The following PCDHGB5 variants were observed in gnomAD, a reference collection of about 807,000 sequenced individuals.
PCDHGB5 encodes the protein protocadherin gamma-B5.
In PCDHGB5, 48 loss-of-function variants were observed where a neutral mutation model predicts 62.9. The observed-to-expected ratio is 0.76, with a 90% confidence interval of 0.61 to 0.97. The LOEUF (loss-of-function observed/expected upper bound fraction) is 0.97, where lower values mean the gene tolerates loss of function less well. PCDHGB5 is among the 50% of genes least tolerant of loss of function. The pLI, the probability that PCDHGB5 is intolerant of heterozygous loss-of-function variation, is 0.00. For synonymous variants in PCDHGB5, 474 were observed against 511.2 expected (o/e 0.93, Z 0.98); for missense variants, 1,118 against 1,198.6 (o/e 0.93, Z 0.99).
At chr5:141,498,551 C>T (rs749191535) in intron 2 of PCDHGB5, among the ~76,000 whole-genome samples, 2 of 151,950 alleles carry the variant, frequency 1.3e-5, no homozygotes, top group Non-Finnish European at 2.9e-5. Context: ...GTCAGACACA[C>T]CAGCTTCAAA....
intron 1 of PCDHGB5, among the ~76,000 whole-genome samples, chr5:141,458,247 C>T (rs758242859): frequency 4.6e-5 from 7 of 152,100 alleles, no homozygotes; most frequent in South Asian, 2.1e-4. Flanking sequence ...CAAAATGATA[C>T]GGCTCTGATG....
At position 141,421,262 on chromosome 5, in the gene PCDHGB5, G is replaced by GGCT. The variant is rs748368476; in HGVS notation, c.2397+20752_2397+20754dup. 2.6e-5 allele frequency: 42 copies of GGCT among 1,609,594 alleles called. No homozygotes were observed. The Admixed American group carries it at 3.2e-4, about 12-fold the overall frequency. On this transcript the variant is annotated intron_variant, in intron 1 of 3. Coordinates refer to ENST00000617380, the MANE Select transcript of PCDHGB5 (RefSeq NM_018925.3). ...CGGCTACAGCGCGGGGACCGCAGTC[G>GGCT]GCTGCTGCTGCTGCTGTGCATTTTC...
In PCDHGB5 at chr5:141,398,957, T is replaced by G. The variant is rs1307112913; in HGVS notation, c.830T>G (p.Ile277Ser). Residue 277 changes from isoleucine to serine, a missense_variant, in exon 1 of 4, where the codon ATT becomes AGT. This residue lies in a region of PCDHGB5 where 1,034 missense variants were observed against 1,029.1 expected (regional missense o/e 1.00). Transcript: ENST00000617380. ...CAAGACGAGGGCATCAACTCAGAAA[T>G]TACTTATTCCTTCTACAGAACCGGG... Reference protein sequence around the residue: ...TDQDEGINSEITYSFYRTGQI... With the variant: ...TDQDEGINSESTYSFYRTGQI... 6.2e-7 allele frequency: 1 copy of G among 1,613,868 alleles called. No individual in the cohort carries two copies. The highest frequency in any genetic ancestry group is 1.1e-5 in the South Asian group (1 of 91,070).
At chr5:141,482,513 A>C (rs552094845) in intron 1 of PCDHGB5, among the ~76,000 whole-genome samples, 1 of 143,798 alleles carries the variant, frequency 7.0e-6, no homozygotes, top group East Asian at 2.1e-4. Flanking sequence ...CCCAGAGTAC[A>C]GTATGAGACA....
chr5:141,400,923 T>C (rs1453975530), intron 1 of PCDHGB5, among the ~76,000 whole-genome samples: 1 of 152,260 alleles, frequency 6.6e-6, no homozygotes, highest in Admixed American at 6.5e-5. Flanking sequence ...AAGAAACTGC[T>C]AGTAGATGTC....
Position 141,491,166 on chromosome 5 carries a change from G to A in PCDHGB5, c.2398-3641G>A. 1 of 1,614,150 alleles carries A rather than the reference G, an allele frequency of 6.2e-7. No individual in the cohort carries two copies. The highest frequency in any genetic ancestry group is 8.5e-7 in the Non-Finnish European group (1 of 1,179,964). ...TACTGGAGGATGACTCTGACACCCA[G>A]CAGGTGGTGGTCCTGGTGAGGGACA... On this transcript the variant is annotated intron_variant, in intron 1 of 3. Transcript: ENST00000617380. The surrounding 1 kb of genome is among the most constrained non-coding windows in gnomAD (Gnocchi z 6.9).
intron 2 of PCDHGB5, among the ~76,000 whole-genome samples, chr5:141,500,431 G>A (rs1340129330): frequency 6.6e-6 from 1 of 151,476 alleles, no homozygotes; most frequent in Non-Finnish European, 1.5e-5. Flanking sequence ...GGATGGTCTC[G>A]ATCTCCTGAC....
At chr5:141,427,863 G>A (rs769808388) in intron 1 of PCDHGB5, 1 of 1,557,316 alleles carries the variant, frequency 6.4e-7, no homozygotes, top group Non-Finnish European at 8.8e-7. Context: ...GTGCGCCTTC[G>A]AGCTCACGAT....
intron 1 of PCDHGB5, chr5:141,403,102 G>A (rs765706858): frequency 9.3e-6 from 15 of 1,613,928 alleles, no homozygotes; most frequent in Non-Finnish European, 1.3e-5. Flanking sequence ...ACATCTCCAA[G>A]GACCTGGCTC....
intron 1 of PCDHGB5, chr5:141,408,105 G>T (rs566753835): frequency 2.6e-5 from 37 of 1,439,788 alleles, no homozygotes; most frequent in Non-Finnish European, 3.2e-5. Flanking sequence ...TCCGAGACCC[G>T]GGACTCCTCC....
intron 1 of PCDHGB5, chr5:141,410,052 T>C: frequency 6.2e-7 from 1 of 1,613,122 alleles, no homozygotes; most frequent in Non-Finnish European, 8.5e-7. Context: ...CCCGGACTCT[T>C]CAGCCTGGGG....
rs1424221139 is a variant in PCDHGB5, at chr5:141,491,867, T to G, written c.2398-2940T>G. On this transcript the variant is annotated intron_variant, in intron 1 of 3. Coordinates refer to ENST00000617380, the MANE Select transcript of PCDHGB5 (RefSeq NM_018925.3). The surrounding 1 kb of genome is among the most constrained non-coding windows in gnomAD (Gnocchi z 6.9). ...TTGGACCGTTTGCGCGAAACCAGAG[T>G]GGCCGATTAAGGGATGGGGCTCCGA... 2 of 1,452,218 alleles carry G rather than the reference T, an allele frequency of 1.4e-6. No homozygotes were observed. The highest frequency in any genetic ancestry group is 1.8e-6 in the Non-Finnish European group (2 of 1,099,056). 90.0% of individuals were successfully genotyped at this position (1,452,218 alleles called of 1,614,324 possible).
At chr5:141,447,433 C>T (rs756021616) in intron 1 of PCDHGB5, among the ~76,000 whole-genome samples, 5 of 152,118 alleles carry the variant, frequency 3.3e-5, no homozygotes, top group African/African-American at 7.2e-5. Context: ...CCACCGCACC[C>T]GGAGGAAATT....
chr5:141,432,286 C>T lies in PCDHGB5; in HGVS notation c.2397+31762C>T. ...TATCGTCCTACGTGTCCATCAACTCCGACACTGGGGTACTGTATGCGCTGA... is the reference window on the plus strand; with the variant it reads ...TATCGTCCTACGTGTCCATCAACTCTGACACTGGGGTACTGTATGCGCTGA... On this transcript the variant is annotated intron_variant, in intron 1 of 3. Transcript: ENST00000617380. This position sits in a 1 kb window ranked among gnomAD's most constrained non-coding sequence, Gnocchi z 6.0. 3 of 1,614,252 alleles carry T rather than the reference C, an allele frequency of 1.9e-6. No homozygotes were observed. Among genetic ancestry groups the T allele is most frequent in the Non-Finnish European group, 2.5e-6 (3 of 1,180,048 alleles).
At position 141,431,215 on chromosome 5, in the gene PCDHGB5, C is replaced by G. The variant is rs1225114172; in HGVS notation, c.2397+30691C>G. 1 of 1,614,184 alleles carries G rather than the reference C, an allele frequency of 6.2e-7. No individual in the cohort carries two copies. Among genetic ancestry groups the G allele is most frequent in the Admixed American group, 1.7e-5 (1 of 60,032 alleles). On this transcript the variant is annotated intron_variant, in intron 1 of 3. Coordinates refer to ENST00000617380, the MANE Select transcript of PCDHGB5 (RefSeq NM_018925.3). This position sits in a 1 kb window ranked among gnomAD's most constrained non-coding sequence, Gnocchi z 4.8. ...AAAATGCAGCCACTGAGATGCGGTTCCCTCTACCCCACGCCTGGGATCCGG... is the reference window on the plus strand; with the variant it reads ...AAAATGCAGCCACTGAGATGCGGTTGCCTCTACCCCACGCCTGGGATCCGG...
Position 141,477,919 on chromosome 5 carries a change from G to A in PCDHGB5, c.2398-16888G>A. 2.5e-6 allele frequency: 4 copies of A among 1,614,162 alleles called. No individual in the cohort carries two copies. The highest frequency in any genetic ancestry group is 8.5e-7 in the Non-Finnish European group (1 of 1,180,026). The stretch of plus-strand genomic sequence containing the variant: ...TGGTAGGCTGGGACGCGGATGCAGG[G>A]CACAATGCCTGGCTCTCCTACAGTC... On this transcript the variant is annotated intron_variant, in intron 1 of 3. Transcript: ENST00000617380. The surrounding 1 kb of genome is among the most constrained non-coding windows in gnomAD (Gnocchi z 4.9).
At chr5:141,430,817 C>T (rs200369093) in intron 1 of PCDHGB5, 2 of 1,539,796 alleles carry the variant, frequency 1.3e-6, no homozygotes, top group Non-Finnish European at 1.7e-6. Flanking sequence ...GGGAATCCTC[C>T]TGGGGACTCT....
intron 1 of PCDHGB5, among the ~76,000 whole-genome samples, chr5:141,444,885 T>C (rs547403761): frequency 6.6e-6 from 1 of 152,320 alleles, no homozygotes; most frequent in African/African-American, 2.4e-5. Flanking sequence ...TGTAGGATTT[T>C]TGAATGGGAT....
rs150878327 is a variant in PCDHGB5 at position 141,438,347 on chromosome 5, C to A, written c.2397+37823C>A. On this transcript the variant is annotated intron_variant, in intron 1 of 3. Coordinates refer to ENST00000617380, the MANE Select transcript of PCDHGB5 (RefSeq NM_018925.3). ...CTTATACATGTCATATAAGGATCTACTCTGTGTATTGTCATTGAGGGCAGA... is the reference window on the plus strand; with the variant it reads ...CTTATACATGTCATATAAGGATCTAATCTGTGTATTGTCATTGAGGGCAGA... Among the ~76,000 whole-genome samples the A allele has an allele frequency of 3.9e-3, 588 of 151,848 alleles. 6 individuals are homozygous for A. Among genetic ancestry groups the A allele is most frequent in the Admixed American group, 0.011 (169 of 15,256 alleles).
Sources: allele counts gnomAD v4.1 joint callset (sites outside exome capture counted in the v4.1 genomes callset), GRCh38; gene constraint gnomAD v4.1.1; regional missense constraint gnomAD v4.1.1; non-coding constraint Gnocchi (gnomAD v3.1); transcripts MANE v1.5; gene names NCBI Gene and HGNC (gene_info 2026-07-23, HGNC 2026-07-21).